ALCAM: variants seen among roughly 807,000 people sequenced by gnomAD.
ALCAM encodes CD166 antigen.
ALCAM carries 30 observed loss-of-function variants against 70.9 expected under a neutral mutation model. That is an observed-to-expected ratio of 0.42 (90% confidence interval 0.32 to 0.57). ALCAM has a LOEUF of 0.57. Ranked by LOEUF, ALCAM falls within the 20% of genes least tolerant of loss-of-function variation. ALCAM has a pLI of 0.11. For synonymous variants in ALCAM, 249 were observed against 242.5 expected (o/e 1.03, Z -0.25); for missense variants, 591 against 695.1 (o/e 0.85, Z 1.68).
chr3:105,496,853 T>C (rs1938756335), intron 1 of ALCAM, among the ~76,000 whole-genome samples: 1 of 151,554 alleles, frequency 6.6e-6, no homozygotes, highest in African/African-American at 2.4e-5. Context: ...TGTGTGTGTG[T>C]GTGCATGCGT....
intron 1 of ALCAM, among the ~76,000 whole-genome samples, chr3:105,373,621 C>T (rs1212014790): frequency 6.6e-6 from 1 of 152,108 alleles, no homozygotes; most frequent in East Asian, 1.9e-4. Context: ...TTTCCCTTTT[C>T]CTTTTCCCTG....
intron 1 of ALCAM, among the ~76,000 whole-genome samples, chr3:105,377,644 C>T (rs888755070): frequency 1.3e-5 from 2 of 151,992 alleles, no homozygotes; most frequent in Non-Finnish European, 1.5e-5. Context: ...CTTTATTATA[C>T]ATGAGATTGG....
Position 105,520,244 on chromosome 3 carries a change from A to G in ALCAM, c.174+77A>G, listed in dbSNP as rs1939499803. ...AAATTCTTTCTGTGAGTAACTGTGA[A>G]TTTCAAATTAACCTAAATGCAATAT... On this transcript the variant is annotated intron_variant, in intron 2 of 15. Transcript: ENST00000306107. 4.8e-6 allele frequency: 5 copies of G among 1,037,620 alleles called. No individual in the cohort carries two copies. In the Admixed American group the frequency reaches 8.9e-5, roughly 18 times the overall value. 64.3% of individuals were successfully genotyped at this position (1,037,620 alleles called of 1,614,324 possible). A position where few individuals can be genotyped will look rare whatever the true frequency, so the allele number is the denominator to read the frequency against.
At chr3:105,383,660 A>T (rs1353680527) in intron 1 of ALCAM, among the ~76,000 whole-genome samples, 6 of 151,744 alleles carry the variant, frequency 4.0e-5, no homozygotes, top group Non-Finnish European at 8.9e-5. Context: ...AACAAATGGA[A>T]TAAAGTTAGA....
At chr3:105,550,289 G>A (rs1940360176) in intron 12 of ALCAM, 30 bp downstream of exon 12, 1 of 1,572,574 alleles carries the variant, frequency 6.4e-7, no homozygotes, top group African/African-American at 1.4e-5. Context: ...CATTACAAAA[G>A]TAAGAAAATT....
intron 11 of ALCAM, among the ~76,000 whole-genome samples, chr3:105,548,912 C>T (rs4894832): frequency 0.14 from 21,642 of 151,282 alleles, 1,724 homozygotes; most frequent in Admixed American, 0.26. Flanking sequence ...AAAAAAGAAC[C>T]TTTAGGTACT....
intron 1 of ALCAM, among the ~76,000 whole-genome samples, chr3:105,408,721 G>C (rs534751593): frequency 6.6e-6 from 1 of 152,192 alleles, no homozygotes; most frequent in Non-Finnish European, 1.5e-5. Flanking sequence ...AAACTAAAAA[G>C]CTTTTGCACA....
At chr3:105,559,727 A>G (rs994730590) in intron 14 of ALCAM, among the ~76,000 whole-genome samples, 1 of 152,136 alleles carries the variant, frequency 6.6e-6, no homozygotes, top group African/African-American at 2.4e-5. Flanking sequence ...CAGCCCCATC[A>G]TCCCTGTCTC....
Position 105,440,708 on chromosome 3 carries a change from A to G in ALCAM, c.73+73227A>G, listed in dbSNP as rs142391278. 2.6e-5 allele frequency: 4 copies of G among 152,322 alleles called. No individual in the cohort carries two copies. The East Asian group carries it at 7.7e-4, about 29-fold the overall frequency. The allele number at this position is 152,322 out of a possible 1,614,324, so 9.4% of individuals were successfully genotyped here. A position where few individuals can be genotyped will look rare whatever the true frequency, so the allele number is the denominator to read the frequency against. On this transcript the variant is annotated intron_variant, in intron 1 of 15. Transcript: ENST00000306107. ...TCACTAATCAAGATGCCTTTATGTT[A>G]ACACCTCCCTTTTAAAAGCAAATCA... is the stretch of plus-strand genomic sequence containing the variant.
At chr3:105,407,754 C>T (rs898424178) in intron 1 of ALCAM, among the ~76,000 whole-genome samples, 2 of 151,594 alleles carry the variant, frequency 1.3e-5, no homozygotes, top group Non-Finnish European at 3.0e-5. Flanking sequence ...AAAGGGCATC[C>T]GAAGAGGAAG....
At chr3:105,399,974 C>G (rs1936048860) in intron 1 of ALCAM, among the ~76,000 whole-genome samples, 1 of 152,148 alleles carries the variant, frequency 6.6e-6, no homozygotes. Flanking sequence ...TTACCCCATC[C>G]CTGACTATCA....
intron 14 of ALCAM, among the ~76,000 whole-genome samples, chr3:105,562,583 G>A (rs1179500681): frequency 3.3e-5 from 5 of 151,952 alleles, no homozygotes; most frequent in Non-Finnish European, 4.4e-5. Context: ...GAGGAATATT[G>A]GTCTGTAATT....
At chr3:105,459,887 T>G (rs533595685) in intron 1 of ALCAM, among the ~76,000 whole-genome samples, 6 of 152,186 alleles carry the variant, frequency 3.9e-5, no homozygotes, top group African/African-American at 1.4e-4. Flanking sequence ...TAATTAGACT[T>G]GCATAGAGAT....
intron 14 of ALCAM, among the ~76,000 whole-genome samples, chr3:105,562,994 C>T (rs1006859833): frequency 6.6e-6 from 1 of 151,912 alleles, no homozygotes; most frequent in South Asian, 2.1e-4. Context: ...TTAGTAGAGA[C>T]GGGGTTTCTC....
At chr3:105,518,872 AAAATTCTTAACCTT>A (rs1939453710) in intron 1 of ALCAM, among the ~76,000 whole-genome samples, 1 of 152,078 alleles carries the variant, frequency 6.6e-6, no homozygotes, top group African/African-American at 2.4e-5. Context: ...TCACTGGGGC[AAAATTCTTAACCTT>A]AAATGAAATT....
chr3:105,406,581 A>G (rs2107384049), intron 1 of ALCAM, among the ~76,000 whole-genome samples: 1 of 152,304 alleles, frequency 6.6e-6, no homozygotes, highest in South Asian at 2.1e-4. Flanking sequence ...AAATGCCTAC[A>G]TTGGAAAGTT....
At chr3:105,481,059 G>A (rs1212437770) in intron 1 of ALCAM, among the ~76,000 whole-genome samples, 2 of 151,980 alleles carry the variant, frequency 1.3e-5, no homozygotes, top group African/African-American at 2.4e-5. Context: ...GATATAAGAA[G>A]GTTTTTGTTT....
chr3:105,529,584 T>C (rs1939789732), intron 3 of ALCAM, among the ~76,000 whole-genome samples: 1 of 152,144 alleles, frequency 6.6e-6, no homozygotes, highest in Non-Finnish European at 1.5e-5. Flanking sequence ...GTATTACCAT[T>C]ACATTCACAA....
At chr3:105,517,836 G>GT (rs1255378572) in intron 1 of ALCAM, among the ~76,000 whole-genome samples, 1 of 152,062 alleles carries the variant, frequency 6.6e-6, no homozygotes, top group Non-Finnish European at 1.5e-5. Flanking sequence ...CAAAATGTTA[G>GT]TTTGATAACC....
Sources: gnomAD v4.1 joint callset for allele counts (sites outside exome capture counted in the v4.1 genomes callset) on GRCh38, gnomAD v4.1.1 for gene constraint, MANE v1.5 for transcripts, NCBI Gene and HGNC (gene_info 2026-07-23, HGNC 2026-07-21) for gene names.